The following KATNAL2 variants were observed in gnomAD, a reference collection of about 807,000 sequenced individuals.
KATNAL2 encodes katanin p60 ATPase-containing subunit A-like 2.
A neutral mutation model predicts 76.3 loss-of-function variants in KATNAL2; 52 were observed. The observed-to-expected ratio is 0.68, with a 90% confidence interval of 0.55 to 0.86. The LOEUF (loss-of-function observed/expected upper bound fraction) is 0.86. Ranked by LOEUF, KATNAL2 falls within the 40% of genes least tolerant of loss-of-function variation. The pLI, the probability that KATNAL2 is intolerant of heterozygous loss-of-function variation, is 0.00. For synonymous variants in KATNAL2, 243 were observed against 244.2 expected (o/e 1.00, Z 0.05); for missense variants, 660 against 668.9 (o/e 0.99, Z 0.15).
chr18:46,936,011 C>A (rs144349187), intron 1 of KATNAL2, among the ~76,000 whole-genome samples: 239 of 152,254 alleles, frequency 1.6e-3, no homozygotes, highest in African/African-American at 4.5e-3. Flanking sequence ...CCTTGAGTGA[C>A]TTAAATTTAC....
intron 1 of KATNAL2, among the ~76,000 whole-genome samples, chr18:46,925,463 A>G (rs373897106): frequency 2.0e-5 from 3 of 152,100 alleles, no homozygotes; most frequent in East Asian, 3.9e-4. Flanking sequence ...GCTTTTTGAT[A>G]TGCTGCTGGA....
intron 3 of KATNAL2, among the ~76,000 whole-genome samples, chr18:47,041,350 A>G (rs2060957239): frequency 1.3e-5 from 2 of 152,108 alleles, no homozygotes; most frequent in South Asian, 2.1e-4. Context: ...CTTGTACTCT[A>G]CCTATTCATC....
chr18:47,044,956 T>C (rs921650796), intron 3 of KATNAL2, among the ~76,000 whole-genome samples: 1 of 151,918 alleles, frequency 6.6e-6, no homozygotes, highest in African/African-American at 2.4e-5. Flanking sequence ...TAGTTTTATC[T>C]AGGTGGTAGT....
chr18:46,967,536 C>T (rs2060169434), intron 3 of KATNAL2, among the ~76,000 whole-genome samples: 1 of 112,418 alleles, frequency 8.9e-6, no homozygotes, highest in African/African-American at 3.4e-5. Context: ...CTCATGTGTG[C>T]GTGTGCGTGT....
intron 3 of KATNAL2, among the ~76,000 whole-genome samples, chr18:46,951,028 C>T (rs1483193481): frequency 1.3e-5 from 2 of 152,084 alleles, no homozygotes; most frequent in South Asian, 2.1e-4. Context: ...CAGTTATAGT[C>T]GACTCACTTT....
At chr18:46,960,112 C>G (rs2059890978) in intron 3 of KATNAL2, among the ~76,000 whole-genome samples, 1 of 152,014 alleles carries the variant, frequency 6.6e-6, no homozygotes, top group African/African-American at 2.4e-5. Context: ...TATTTGGAAG[C>G]AATAACTAGA....
At chr18:47,043,310 G>A (rs2061038193) in intron 3 of KATNAL2, among the ~76,000 whole-genome samples, 1 of 151,456 alleles carries the variant, frequency 6.6e-6, no homozygotes, top group African/African-American at 2.4e-5. Flanking sequence ...AATAGGAATG[G>A]TAATGTTATA....
chr18:47,035,008 C>T lies in KATNAL2; in HGVS notation c.52-11449C>T, dbSNP rs200315582. On this transcript the variant is annotated intron_variant, in intron 3 of 17. Transcript: ENST00000683218. ...AGCGCTCTCCTCAGGGTCCTGTGGG[C>T]CAGGCCGGGTGTTTCGGTCCACGAG... 284 of 1,611,276 alleles carry T rather than the reference C, an allele frequency of 1.8e-4. 2 individuals carry two copies. In the African/African-American group the frequency reaches 2.7e-3, roughly 15 times the overall value.
chr18:47,040,591 C>A (rs926338542), intron 3 of KATNAL2, among the ~76,000 whole-genome samples: 3 of 152,088 alleles, frequency 2.0e-5, no homozygotes, highest in African/African-American at 4.8e-5. Context: ...AATATTATTT[C>A]TAAAAATAAG....
chr18:47,037,181 C>T (rs1343964692), intron 3 of KATNAL2, among the ~76,000 whole-genome samples: 1 of 152,154 alleles, frequency 6.6e-6, no homozygotes, highest in Non-Finnish European at 1.5e-5. Flanking sequence ...AAATTAAAAG[C>T]ACTAATGTTG....
chr18:46,927,989 A>AT (rs1050409976), intron 1 of KATNAL2, among the ~76,000 whole-genome samples: 1 of 151,552 alleles, frequency 6.6e-6, no homozygotes, highest in Non-Finnish European at 1.5e-5. Flanking sequence ...CATTCGTCTA[A>AT]TTTTTTTTCA....
At chr18:47,058,892 C>T (rs1460200531) in intron 7 of KATNAL2, among the ~76,000 whole-genome samples, 1 of 152,088 alleles carries the variant, frequency 6.6e-6, no homozygotes, top group Non-Finnish European at 1.5e-5. Context: ...AGAAGGGCAG[C>T]AAGGAGAGAA....
chr18:47,054,493 C>A (rs2061418544), intron 6 of KATNAL2, 55 bp downstream of exon 6: 16 of 1,526,108 alleles, frequency 1.0e-5, no homozygotes, highest in South Asian at 2.3e-5. Context: ...CTTGTGGAAT[C>A]CCTTTCCAGA....
At chr18:47,069,106 C>A (rs975747406) in intron 11 of KATNAL2, 114 bp from the exon 12 acceptor site, 1 of 698,882 alleles carries the variant, frequency 1.4e-6, no homozygotes, top group African/African-American at 1.9e-5. Context: ...AAAAGGGAGC[C>A]CTGAATCTTA....
rs570729293 is a variant in KATNAL2 at position 47,067,717 on chromosome 18, T to G, written c.825+598T>G. Among the ~76,000 whole-genome samples the G allele has an allele frequency of 5.9e-5, 9 of 152,364 alleles. No individual in the cohort carries two copies. In the South Asian group the frequency reaches 1.9e-3, roughly 32 times the overall value. ...ACAAATGGGTTAATGAGGAGATAAG[T>G]GATAACTTAGCTTTTGTTGTATAAC... On this transcript the variant is annotated intron_variant, in intron 11 of 17. Transcript: ENST00000683218.
chr18:47,089,801 C>T (rs1163078299), intron 15 of KATNAL2, among the ~76,000 whole-genome samples: 1 of 152,136 alleles, frequency 6.6e-6, no homozygotes, highest in Non-Finnish European at 1.5e-5. Context: ...TTCAACAAAG[C>T]AGATTCACCT....
intron 3 of KATNAL2, chr18:47,032,976 A>G (rs377043836): frequency 3.1e-6 from 5 of 1,613,556 alleles, no homozygotes; most frequent in East Asian, 2.2e-5. Flanking sequence ...ATCCCCCCAG[A>G]TTTTATCTGC....
intron 3 of KATNAL2, among the ~76,000 whole-genome samples, chr18:47,045,706 T>A (rs955566234): frequency 1.3e-5 from 2 of 152,220 alleles, no homozygotes; most frequent in African/African-American, 4.8e-5. Flanking sequence ...AAAGACCTTT[T>A]ATGGCTTTTG....
chr18:47,038,005 C>T (rs1450729121), intron 3 of KATNAL2, among the ~76,000 whole-genome samples: 1 of 152,104 alleles, frequency 6.6e-6, no homozygotes, highest in Non-Finnish European at 1.5e-5. Context: ...ATTTTTGATG[C>T]AGCCTCATTA....
Sources: gnomAD v4.1 joint callset for allele counts (sites outside exome capture counted in the v4.1 genomes callset) on GRCh38, gnomAD v4.1.1 for gene constraint, MANE v1.5 for transcripts, NCBI Gene and HGNC (gene_info 2026-07-23, HGNC 2026-07-21) for gene names.